Variants in HYCC1 observed in about 807,000 individuals in gnomAD.
HYCC1 encodes hyccin PI4KA lipid kinase complex subunit 1.
the HYCC1 span, among the ~76,000 whole-genome samples, chr7:22,973,842 C>T: frequency 6.6e-6 from 1 of 152,062 alleles, no homozygotes; most frequent in Admixed American, 6.5e-5. Flanking sequence ...GAATGTACTA[C>T]GTTAGAGTTA....
the HYCC1 span, among the ~76,000 whole-genome samples, chr7:22,983,350 A>G: frequency 6.6e-6 from 1 of 151,594 alleles, no homozygotes; most frequent in Non-Finnish European, 1.5e-5. Context: ...AAAAATCTAA[A>G]TTAGCCATCT....
At chr7:22,922,199 A>C in the HYCC1 span, among the ~76,000 whole-genome samples, 3 of 151,298 alleles carry the variant, frequency 2.0e-5, no homozygotes, top group African/African-American at 7.3e-5. Context: ...AATATTTATT[A>C]CTAATAAACA....
chr7:22,928,435 C>A, the HYCC1 span, among the ~76,000 whole-genome samples: 1 of 152,180 alleles, frequency 6.6e-6, no homozygotes, highest in Non-Finnish European at 1.5e-5. Context: ...ATCTAGAAAA[C>A]CCCATAGTCT....
At chr7:22,978,497 G>T in the HYCC1 span, 2 of 1,415,832 alleles carry the variant, frequency 1.4e-6, no homozygotes, top group East Asian at 2.3e-5. Context: ...GTATTTGAAT[G>T]GAACTACTAT....
At chr7:22,946,601 T>C in the HYCC1 span, among the ~76,000 whole-genome samples, 1 of 152,088 alleles carries the variant, frequency 6.6e-6, no homozygotes, top group Non-Finnish European at 1.5e-5. Context: ...GTACTCTATA[T>C]TGTAGATTAT....
At chr7:23,004,879 C>G in the HYCC1 span, among the ~76,000 whole-genome samples, 1 of 152,112 alleles carries the variant, frequency 6.6e-6, no homozygotes, top group South Asian at 2.1e-4. Context: ...AATCTTGGCT[C>G]ACTGCAACCA....
the HYCC1 span, among the ~76,000 whole-genome samples, chr7:22,906,377 A>G: frequency 6.6e-6 from 1 of 152,152 alleles, no homozygotes; most frequent in Non-Finnish European, 1.5e-5. Flanking sequence ...CAGGAGTTCG[A>G]GACCAGCCTG....
chr7:22,964,222 A>G, the HYCC1 span, among the ~76,000 whole-genome samples: 2 of 152,162 alleles, frequency 1.3e-5, no homozygotes, highest in Non-Finnish European at 2.9e-5. Flanking sequence ...GAAATTCTTC[A>G]GAACTTTAAA....
chr7:22,976,875 T>C, the HYCC1 span: 2 of 891,106 alleles, frequency 2.2e-6, no homozygotes, highest in South Asian at 1.3e-5. Context: ...ATATAGAATA[T>C]ATATATACCA....
At chr7:22,918,102 G>A in the HYCC1 span, among the ~76,000 whole-genome samples, 1 of 151,994 alleles carries the variant, frequency 6.6e-6, no homozygotes, top group African/African-American at 2.4e-5. Context: ...ATCTAGCCTG[G>A]TATATGACAA....
the HYCC1 span, among the ~76,000 whole-genome samples, chr7:22,922,209 A>T: frequency 6.6e-6 from 1 of 152,150 alleles, no homozygotes; most frequent in Non-Finnish European, 1.5e-5. Flanking sequence ...ACTAATAAAC[A>T]TAATCTAACT....
At chr7:22,988,258 T>A in the HYCC1 span, among the ~76,000 whole-genome samples, 3 of 152,342 alleles carry the variant, frequency 2.0e-5, no homozygotes, top group African/African-American at 7.2e-5. Context: ...AACATTTGAA[T>A]ATCAAATTGA....
At chr7:22,976,641 T>C in the HYCC1 span, 1 of 1,111,078 alleles carries the variant, frequency 9.0e-7, no homozygotes, top group Admixed American at 1.7e-5. Context: ...CTGAAATAAT[T>C]TTCTTAAAAA....
the HYCC1 span, among the ~76,000 whole-genome samples, chr7:22,903,416 T>C: frequency 6.6e-6 from 1 of 152,014 alleles, no homozygotes; most frequent in Admixed American, 6.6e-5. Flanking sequence ...ATTAAAAGGA[T>C]TGTGAGAGAA....
At chr7:23,003,412 C>T in the HYCC1 span, among the ~76,000 whole-genome samples, 1 of 151,682 alleles carries the variant, frequency 6.6e-6, no homozygotes, top group African/African-American at 2.4e-5. Context: ...CAAGGTAAAT[C>T]AGAATATAAA....
the HYCC1 span, chr7:22,945,542 T>A: frequency 7.2e-7 from 1 of 1,397,972 alleles, no homozygotes. Flanking sequence ...AGAAGCAAAG[T>A]TGTATTTCCA....
chr7:22,996,695 G>T, the HYCC1 span, among the ~76,000 whole-genome samples: 3 of 150,788 alleles, frequency 2.0e-5, no homozygotes, highest in Non-Finnish European at 4.4e-5. Flanking sequence ...AGCTTAGATA[G>T]GACAAAAAGC....
chr7:22,976,938 C>A, the HYCC1 span: 3 of 634,680 alleles, frequency 4.7e-6, no homozygotes, highest in African/African-American at 3.7e-5. Flanking sequence ...AGGCTGCCTA[C>A]CAAATTTTCT....
At chr7:22,978,132 A>C in the HYCC1 span, 1 of 771,884 alleles carries the variant, frequency 1.3e-6, no homozygotes, top group Non-Finnish European at 2.2e-6. Context: ...CCAGAAAGTT[A>C]TATTTGGAAG....
Sources: gnomAD v4.1 joint callset for allele counts (sites outside exome capture counted in the v4.1 genomes callset) on GRCh38, gnomAD v4.1.1 for gene constraint, MANE v1.5 for transcripts, NCBI Gene and HGNC (gene_info 2026-07-23, HGNC 2026-07-21) for gene names.